Variants in ZNF18 observed in about 807,000 individuals in gnomAD.
ZNF18 encodes the protein zinc finger protein 18, also known as heart development-specific gene 1 protein.
Under a neutral mutation model 58.1 loss-of-function variants are expected in ZNF18, and 42 were observed. That is an observed-to-expected ratio of 0.72 (90% CI 0.56 to 0.93). The LOEUF (loss-of-function observed/expected upper bound fraction) is 0.93. Ranked by LOEUF, ZNF18 falls within the 40% of genes least tolerant of loss-of-function variation. The pLI is 0.00. For synonymous variants in ZNF18, 231 were observed against 239.8 expected (o/e 0.96, Z 0.34); for missense variants, 540 against 644.2 (o/e 0.84, Z 1.75).
chr17:12,015,170 C>G, the ZNF18 span, among the ~76,000 whole-genome samples: 1 of 152,036 alleles, frequency 6.6e-6, no homozygotes, highest in Non-Finnish European at 1.5e-5. Context: ...AAATTCAAAC[C>G]CAATATTGTT....
At chr17:11,990,836 G>A (rs528292746) in intron 3 of ZNF18, 138 bp downstream of exon 3, 13 of 950,042 alleles carry the variant, frequency 1.4e-5, no homozygotes, top group Admixed American at 6.9e-5. Context: ...AAACAAGAGC[G>A]GTTTATTTAG....
intron 1 of ZNF18, among the ~76,000 whole-genome samples, chr17:11,994,568 C>T (rs1262130326): frequency 2.6e-5 from 4 of 152,020 alleles, no homozygotes; most frequent in Non-Finnish European, 5.9e-5. Flanking sequence ...GAGGCCAGGC[C>T]AGGTGGCTCA....
upstream of ZNF18, among the ~76,000 whole-genome samples, chr17:12,001,418 A>G (rs1968653223): frequency 6.6e-6 from 1 of 152,140 alleles, no homozygotes; most frequent in African/African-American, 2.4e-5. Flanking sequence ...TCACAAGGTC[A>G]GGAGATCAAG....
rs1967127095 is a variant in ZNF18 at position 11,978,444 on chromosome 17, T to G, written c.1163A>C (p.Glu388Ala). The G allele has an allele frequency of 6.4e-7, 1 of 1,566,036 alleles. No individual in the cohort carries two copies. The highest frequency in any genetic ancestry group is 8.6e-7 in the Non-Finnish European group (1 of 1,158,416). ...HSGEMSTMWL[E>A]EKRETSQKGQ... ...CTTCTGGGAGGTCTCTCTCTTCTCCTCAAGCCACATGGTGGACATTTCTCC... is the reference window on the plus strand; with the variant it reads ...CTTCTGGGAGGTCTCTCTCTTCTCCGCAAGCCACATGGTGGACATTTCTCC... The change falls in exon 7 of 7, where the codon GAG becomes GCG. Residue 388 changes from glutamate to alanine, a missense_variant. Physicochemically the swap from Glu to Ala is moderately radical, Grantham distance 107. Coordinates refer to ENST00000580306, the MANE Select transcript of ZNF18 (RefSeq NM_001303281.2).
intron 6 of ZNF18, 103 bp from the exon 7 acceptor site, chr17:11,978,847 T>C (rs987639648): frequency 5.5e-6 from 4 of 725,766 alleles, no homozygotes; most frequent in Admixed American, 7.4e-5. Flanking sequence ...TTTCTTTTTT[T>C]TTTTTTTTTT....
upstream of ZNF18, among the ~76,000 whole-genome samples, chr17:11,999,612 T>C (rs1367929529): frequency 6.6e-6 from 1 of 152,244 alleles, no homozygotes. Context: ...TACCAGATGA[T>C]GTGCCCAGCA....
chr17:12,000,908 A>G (rs1046706178), upstream of ZNF18, among the ~76,000 whole-genome samples: 15 of 152,234 alleles, frequency 9.9e-5, no homozygotes, highest in African/African-American at 3.6e-4. Flanking sequence ...GAAGAATTAG[A>G]GCAGCAAATA....
chr17:11,982,649 T>C (rs373232980), intron 6 of ZNF18, among the ~76,000 whole-genome samples: 9 of 145,122 alleles, frequency 6.2e-5, no homozygotes, highest in African/African-American at 2.3e-4. Flanking sequence ...ATTTACTGTA[T>C]ATATAAAAGT....
At chr17:12,011,018 C>A in the ZNF18 span, 12 of 750,174 alleles carry the variant, frequency 1.6e-5, no homozygotes, top group South Asian at 1.6e-4. Flanking sequence ...CAACAGCATG[C>A]TGGGGAACAT....
chr17:12,002,270 T>C (rs142419110), upstream of ZNF18: 7,235 of 152,114 alleles, frequency 0.048, 247 homozygotes, highest in Non-Finnish European at 0.074. Context: ...CGTGGTGGTG[T>C]GCGCCTGTAG....
the ZNF18 span, among the ~76,000 whole-genome samples, chr17:12,016,855 A>T: frequency 6.6e-6 from 1 of 152,148 alleles, no homozygotes; most frequent in Admixed American, 6.5e-5. Flanking sequence ...GTTGTCATGA[A>T]CATTTTCTTA....
At chr17:11,996,619 AT>A (rs200338488) in intron 1 of ZNF18, among the ~76,000 whole-genome samples, 1 of 152,228 alleles carries the variant, frequency 6.6e-6, no homozygotes, top group African/African-American at 2.4e-5. Context: ...TGAAAAAAAA[AT>A]AAGGTTGTCT....
At chr17:11,992,951 G>A (rs577840792) in intron 1 of ZNF18, 40 bp from the exon 2 acceptor site, 41 of 1,186,048 alleles carry the variant, frequency 3.5e-5, no homozygotes, top group Non-Finnish European at 3.1e-5. Flanking sequence ...CAGAGGAAGG[G>A]GACACATTTT....
intron 5 of ZNF18, 109 bp from the exon 6 acceptor site, chr17:11,983,516 T>C: frequency 1.3e-6 from 1 of 798,630 alleles, no homozygotes; most frequent in Non-Finnish European, 2.1e-6. Flanking sequence ...ATGAAGGCTC[T>C]GGACACTTGC....
At chr17:11,987,954 A>C (rs1289305565) in intron 4 of ZNF18, among the ~76,000 whole-genome samples, 1 of 152,174 alleles carries the variant, frequency 6.6e-6, no homozygotes, top group Non-Finnish European at 1.5e-5. Flanking sequence ...AGCATTACCT[A>C]CTGCCTTCTC....
the ZNF18 span, among the ~76,000 whole-genome samples, chr17:12,009,733 G>A: frequency 1.3e-5 from 2 of 152,206 alleles, no homozygotes; most frequent in African/African-American, 4.8e-5. Flanking sequence ...AATTACAGGC[G>A]TGAGCCACCG....
At chr17:12,007,298 G>C in the ZNF18 span, among the ~76,000 whole-genome samples, 1 of 152,146 alleles carries the variant, frequency 6.6e-6, no homozygotes. Context: ...GAAGTCTTTA[G>C]GCTTCTTTAT....
chr17:11,991,043 A>T lies in ZNF18; in HGVS notation c.508T>A (p.Ser170Thr). ...VVPQELGLEN[S>T]SSGPGELLSH... ...AGAAGCTCCCCAGGCCCTGAGGATG[A>T]ATTCTCAAGTCCCAACTCCTGAGGC... Residue 170 changes from serine to threonine, a missense_variant, in exon 3 of 7, where the codon TCA becomes ACA. Coordinates refer to ENST00000580306, the MANE Select transcript of ZNF18 (RefSeq NM_001303281.2). 6.2e-7 allele frequency: 1 copy of T among 1,614,168 alleles called. No homozygotes were observed. Among genetic ancestry groups the T allele is most frequent in the Non-Finnish European group, 8.5e-7 (1 of 1,180,028 alleles).
rs1451639211 is a variant in ZNF18, at chr17:11,991,032, C to T, written c.519G>A (p.Gly173=). Residue 173 remains glycine, a synonymous_variant, in exon 3 of 7, where the codon GGG becomes GGA. Transcript: ENST00000580306. ...QELGLENSSS[G]PGELLSHIVK... is the part of the protein sequence containing the mutation. ...CGATGTGGCTCAGAAGCTCCCCAGGCCCTGAGGATGAATTCTCAAGTCCCA... is the reference window on the plus strand; with the variant it reads ...CGATGTGGCTCAGAAGCTCCCCAGGTCCTGAGGATGAATTCTCAAGTCCCA... 1 of 1,614,166 alleles carries T rather than the reference C, an allele frequency of 6.2e-7. No individual in the cohort carries two copies. Among genetic ancestry groups the T allele is most frequent in the Non-Finnish European group, 8.5e-7 (1 of 1,180,018 alleles).
Sources: gnomAD v4.1 joint callset for allele counts (sites outside exome capture counted in the v4.1 genomes callset) on GRCh38, gnomAD v4.1.1 for gene constraint, MANE v1.5 for transcripts, NCBI Gene and HGNC (gene_info 2026-07-23, HGNC 2026-07-21) for gene names.